The following ATOSA variants were observed in gnomAD, a reference collection of about 807,000 sequenced individuals.
The protein encoded by ATOSA is atos homolog A, also known as atos homolog protein A.
At chr15:52,611,650 A>G in the ATOSA span, 1 of 1,614,018 alleles carries the variant, frequency 6.2e-7, no homozygotes, top group South Asian at 1.1e-5. Context: ...ATTTAGATCA[A>G]TTCCCTCTGT....
At chr15:52,588,306 A>G in the ATOSA span, among the ~76,000 whole-genome samples, 1 of 152,228 alleles carries the variant, frequency 6.6e-6, no homozygotes, top group Admixed American at 6.5e-5. Flanking sequence ...GCAAAAATGC[A>G]ATCAATGGGG....
At chr15:52,608,489 TA>T in the ATOSA span, 1 of 1,421,708 alleles carries the variant, frequency 7.0e-7, no homozygotes, top group Non-Finnish European at 9.4e-7. Flanking sequence ...TGGGCCTTTA[TA>T]ACCAGATCTC....
At chr15:52,672,877 C>T in the ATOSA span, among the ~76,000 whole-genome samples, 2 of 152,136 alleles carry the variant, frequency 1.3e-5, no homozygotes, top group African/African-American at 2.4e-5. Context: ...GGTATCTCTA[C>T]GTCAACCCCT....
At chr15:52,697,021 G>C in the ATOSA span, among the ~76,000 whole-genome samples, 19 of 152,086 alleles carry the variant, frequency 1.2e-4, no homozygotes, top group African/African-American at 4.3e-4. Flanking sequence ...ATCCTGAGGT[G>C]TCTGGCTAGC....
chr15:52,685,181 C>G, the ATOSA span, among the ~76,000 whole-genome samples: 1 of 152,212 alleles, frequency 6.6e-6, no homozygotes, highest in Non-Finnish European at 1.5e-5. Flanking sequence ...TGTTCCTCAA[C>G]CAAGTGATGC....
chr15:52,701,840 C>T, the ATOSA span, among the ~76,000 whole-genome samples: 5 of 151,972 alleles, frequency 3.3e-5, no homozygotes, highest in East Asian at 9.7e-4. Flanking sequence ...ACAGAAAGAG[C>T]TTTGAAAATA....
the ATOSA span, among the ~76,000 whole-genome samples, chr15:52,683,524 T>C: frequency 6.6e-6 from 1 of 152,248 alleles, no homozygotes; most frequent in Non-Finnish European, 1.5e-5. Flanking sequence ...ATGTGTTATA[T>C]GCACACCCCA....
At chr15:52,584,057 C>T in the ATOSA span, among the ~76,000 whole-genome samples, 2 of 146,602 alleles carry the variant, frequency 1.4e-5, no homozygotes, top group Non-Finnish European at 3.0e-5. Flanking sequence ...GGTGACTCCT[C>T]CTGATGAACA....
At chr15:52,667,421 G>A in the ATOSA span, among the ~76,000 whole-genome samples, 3 of 152,194 alleles carry the variant, frequency 2.0e-5, no homozygotes, top group African/African-American at 7.2e-5. Context: ...GGAACAACTA[G>A]GAAAATATGA....
At chr15:52,610,174 G>A in the ATOSA span, 9 of 1,613,860 alleles carry the variant, frequency 5.6e-6, no homozygotes, top group Admixed American at 1.7e-5. Flanking sequence ...GTGCTGATGA[G>A]TTTTAAGTTT....
chr15:52,635,575 A>G, the ATOSA span, among the ~76,000 whole-genome samples: 2 of 152,164 alleles, frequency 1.3e-5, no homozygotes. Context: ...GTGAGCCTGC[A>G]GTCCCAGCTA....
chr15:52,610,846 T>G, the ATOSA span, among the ~76,000 whole-genome samples: 1 of 152,322 alleles, frequency 6.6e-6, no homozygotes, highest in East Asian at 1.9e-4. Context: ...ATTCAGCAGC[T>G]CAGAAAACTT....
At chr15:52,618,982 G>A in the ATOSA span, among the ~76,000 whole-genome samples, 1 of 152,148 alleles carries the variant, frequency 6.6e-6, no homozygotes, top group Non-Finnish European at 1.5e-5. Flanking sequence ...AACTTAGTGT[G>A]TTAAATGTTT....
chr15:52,596,225 A>T, the ATOSA span, among the ~76,000 whole-genome samples: 2 of 152,230 alleles, frequency 1.3e-5, no homozygotes, highest in Non-Finnish European at 2.9e-5. Context: ...GAAAGACTTT[A>T]TATTTTTAAG....
the ATOSA span, among the ~76,000 whole-genome samples, chr15:52,636,135 T>TA: frequency 0.012 from 1,803 of 146,518 alleles, 28 homozygotes; most frequent in African/African-American, 0.037. Context: ...AAATATATAT[T>TA]AAAATAATAA....
At chr15:52,675,527 A>AT in the ATOSA span, among the ~76,000 whole-genome samples, 1 of 152,222 alleles carries the variant, frequency 6.6e-6, no homozygotes, top group East Asian at 1.9e-4. Flanking sequence ...CAAAACTATA[A>AT]TCTGAGTCTC....
At chr15:52,593,178 T>C in the ATOSA span, among the ~76,000 whole-genome samples, 360 of 145,886 alleles carry the variant, frequency 2.5e-3, 2 homozygotes, top group Admixed American at 0.018. Flanking sequence ...TAGAAAAAAA[T>C]AGGCCCAAAG....
the ATOSA span, among the ~76,000 whole-genome samples, chr15:52,617,790 A>AATTT: frequency 6.8e-6 from 1 of 147,564 alleles, no homozygotes; most frequent in African/African-American, 2.5e-5. Context: ...ATATACAAAT[A>AATTT]ATTTATATAA....
the ATOSA span, among the ~76,000 whole-genome samples, chr15:52,612,133 C>A: frequency 1.3e-5 from 2 of 151,960 alleles, no homozygotes; most frequent in African/African-American, 4.8e-5. Flanking sequence ...TACAGGTGCC[C>A]GCCAGCACGC....
Sources: gnomAD v4.1 joint callset for allele counts (sites outside exome capture counted in the v4.1 genomes callset) on GRCh38, gnomAD v4.1.1 for gene constraint, MANE v1.5 for transcripts, NCBI Gene and HGNC (gene_info 2026-07-23, HGNC 2026-07-21) for gene names.